The following ZNF675 variants were observed in gnomAD, a reference collection of about 807,000 sequenced individuals.
ZNF675 encodes TRAF6 inhibitory zinc finger.
A neutral mutation model predicts 56.1 loss-of-function variants in ZNF675; 36 were observed. The ratio of observed to expected loss-of-function variants is 0.64; its 90% CI spans 0.49 to 0.85. The LOEUF (loss-of-function observed/expected upper bound fraction) is 0.85. Ranked by LOEUF, ZNF675 falls within the 40% of genes least tolerant of loss-of-function variation. The pLI is 0.00. For missense variants in ZNF675, 663 were observed against 654.2 expected, an observed-to-expected ratio of 1.01 and a Z score of -0.15; for synonymous variants, 200 against 218.9, an observed-to-expected ratio of 0.91 and a Z score of 0.76.
chr19:23,668,881 G>A lies in ZNF675; in HGVS notation c.4-5723C>T, dbSNP rs183843489. Among the ~76,000 whole-genome samples the A allele has an allele frequency of 5.9e-5, 9 of 152,264 alleles. No individual in the cohort carries two copies. The East Asian group carries it at 1.2e-3, about 20-fold the overall frequency. ...TCCAGCTGGCCCGCAAGCACCGCAC[G>A]CAGCCCCGGTTCCCGCTCGCGCCTC... On this transcript the variant is annotated intron_variant, in intron 1 of 3. Transcript: ENST00000359788.
At chr19:23,670,197 A>G (rs930212744) in intron 1 of ZNF675, among the ~76,000 whole-genome samples, 1 of 152,164 alleles carries the variant, frequency 6.6e-6, no homozygotes, top group Admixed American at 6.5e-5. Context: ...TTCCACCATT[A>G]GAATCAATTT....
At chr19:23,673,551 T>G (rs1250027088) in intron 1 of ZNF675, among the ~76,000 whole-genome samples, 1 of 152,110 alleles carries the variant, frequency 6.6e-6, no homozygotes, top group Admixed American at 6.5e-5. Flanking sequence ...AATTTGGGAG[T>G]GACTGGAAGC....
intron 1 of ZNF675, among the ~76,000 whole-genome samples, chr19:23,667,122 G>A (rs1466642898): frequency 4.0e-5 from 6 of 151,676 alleles, no homozygotes; most frequent in East Asian, 1.9e-4. Context: ...TCGTGGTCTC[G>A]CTGGCTCAGG....
At chr19:23,677,076 GA>G (rs1239693467) in intron 1 of ZNF675, among the ~76,000 whole-genome samples, 7 of 41,802 alleles carry the variant, frequency 1.7e-4, no homozygotes, top group African/African-American at 6.1e-4. Flanking sequence ...GACTGTCTCA[GA>G]AAAAAAAAAA....
chr19:23,662,730 A>G (rs762289213), intron 2 of ZNF675, among the ~76,000 whole-genome samples: 6 of 152,212 alleles, frequency 3.9e-5, no homozygotes, highest in Non-Finnish European at 8.8e-5. Flanking sequence ...CAGTAATCCC[A>G]GCACTTTGGG....
intron 3 of ZNF675, chr19:23,655,712 T>C (rs1487607425): frequency 2.0e-5 from 3 of 152,116 alleles, no homozygotes; most frequent in African/African-American, 7.2e-5. Flanking sequence ...ACAGACCAAA[T>C]AGGCTTAACA....
intron 1 of ZNF675, among the ~76,000 whole-genome samples, chr19:23,671,316 G>A (rs570883448): frequency 2.0e-5 from 3 of 152,154 alleles, no homozygotes; most frequent in East Asian, 3.9e-4. Flanking sequence ...GTGACCTGAA[G>A]GAAGGAAAAA....
rs187540559 is a variant in ZNF675 at position 23,667,397 on chromosome 19, C to T, written c.4-4239G>A. 3.3e-3 allele frequency among the ~76,000 whole-genome samples: 497 copies of T among 152,232 alleles called. 3 individuals are homozygous for T. The highest frequency in any genetic ancestry group is 0.012 in the African/African-American group (482 of 41,526). On this transcript the variant is annotated intron_variant, in intron 1 of 3. Coordinates refer to ENST00000359788, the MANE Select transcript of ZNF675 (RefSeq NM_138330.3). ...TGCCACTGCTGGCTCCGGCAGCCTG[C>T]TTTTATTGTCTTACCTGGCCCCACC...
chr19:23,678,599 A>G (rs1024152310), intron 1 of ZNF675, among the ~76,000 whole-genome samples: 1 of 151,462 alleles, frequency 6.6e-6, no homozygotes, highest in Non-Finnish European at 1.5e-5. Flanking sequence ...TACATATGGA[A>G]CCAAAAAAGA....
At position 23,674,418 on chromosome 19, in the gene ZNF675, G is replaced by A. The variant is rs1324416776; in HGVS notation, c.4-11260C>T. Among the ~76,000 whole-genome samples the A allele has an allele frequency of 1.3e-5, 2 of 151,288 alleles. 1 individual carries two copies. The highest frequency in any genetic ancestry group is 4.9e-5 in the African/African-American group (2 of 40,806). On this transcript the variant is annotated intron_variant, in intron 1 of 3. Transcript: ENST00000359788. ...AGCACTTTGGGAGGCTGAGGCAGGC[G>A]GATCACCTGAGGTCAGGAGTTCAAG...
In ZNF675 at chr19:23,676,702, T is replaced by G. The variant is rs1300409505; in HGVS notation, c.3+10329A>C. Among the ~76,000 whole-genome samples the G allele has an allele frequency of 2.0e-5, 3 of 151,932 alleles. No homozygotes were observed. The South Asian group carries it at 6.2e-4, about 32-fold the overall frequency. On this transcript the variant is annotated intron_variant, in intron 1 of 3. Transcript: ENST00000359788. ...CAAACTAGGCATTGAAGGTACATAC[T>G]TCAAAAGAGTTATCTACGACAAATT... is the stretch of plus-strand genomic sequence containing the variant.
At chr19:23,654,784 C>G in intron 3 of ZNF675, 78 bp from the exon 4 acceptor site, 2 of 1,223,116 alleles carry the variant, frequency 1.6e-6, no homozygotes, top group Non-Finnish European at 2.2e-6. Flanking sequence ...TAAAATTACA[C>G]AAACTACATA....
intron 1 of ZNF675, among the ~76,000 whole-genome samples, chr19:23,684,155 G>C (rs538393783): frequency 4.6e-5 from 7 of 151,150 alleles, no homozygotes; most frequent in African/African-American, 9.7e-5. Flanking sequence ...CCAGCTACTC[G>C]GGAGGCTGAG....
chr19:23,655,269 A>G (rs2144917839), intron 3 of ZNF675: 1 of 152,258 alleles, frequency 6.6e-6, no homozygotes, highest in South Asian at 2.1e-4. Context: ...GCAAACTTCA[A>G]TTATTTACAT....
intron 1 of ZNF675, among the ~76,000 whole-genome samples, chr19:23,670,112 A>G (rs1220022729): frequency 6.6e-6 from 1 of 152,146 alleles, no homozygotes; most frequent in Non-Finnish European, 1.5e-5. Flanking sequence ...CACTATGAGC[A>G]ACTCTTAATC....
intron 1 of ZNF675, among the ~76,000 whole-genome samples, chr19:23,671,614 G>A (rs746768106): frequency 4.0e-5 from 6 of 151,862 alleles, no homozygotes; most frequent in Non-Finnish European, 7.4e-5. Context: ...GCAAAAGGAG[G>A]AATTAGATGA....
At chr19:23,664,396 G>A (rs7256195) in intron 1 of ZNF675, among the ~76,000 whole-genome samples, 147,919 of 152,258 alleles carry the variant, frequency 0.97, 72,014 homozygotes, top group Middle Eastern at 1. Flanking sequence ...TACCAGAAGC[G>A]ATTCAGGAAC....
Position 23,686,044 on chromosome 19 carries a change from T to G in ZNF675, c.3+987A>C, listed in dbSNP as rs556578523. The stretch of plus-strand genomic sequence containing the variant: ...TTACTGAATTGAGGGAAACAAAAAT[T>G]TAGGCTTAACCAATCATAAACTGCC... On this transcript the variant is annotated intron_variant, in intron 1 of 3. Transcript: ENST00000359788. 1.3e-3 allele frequency: 203 copies of G among 152,304 alleles called. 1 individual carries two copies. Among genetic ancestry groups the G allele is most frequent in the African/African-American group, 4.5e-3 (185 of 41,558 alleles). 9.4% of individuals were successfully genotyped at this position (152,304 alleles called of 1,614,324 possible). A position where few individuals can be genotyped will look rare whatever the true frequency, so the allele number is the denominator to read the frequency against.
At chr19:23,661,547 G>A (rs139607557) in intron 3 of ZNF675, among the ~76,000 whole-genome samples, 344 of 152,004 alleles carry the variant, frequency 2.3e-3, no homozygotes, top group African/African-American at 4.6e-3. Flanking sequence ...AAAATTAGCC[G>A]GGTGTGGTGG....
Sources: allele counts gnomAD v4.1 joint callset (sites outside exome capture counted in the v4.1 genomes callset), GRCh38; gene constraint gnomAD v4.1.1; transcripts MANE v1.5; gene names NCBI Gene and HGNC (gene_info 2026-07-23, HGNC 2026-07-21).